C2orf49: variants seen among roughly 807,000 people sequenced by gnomAD.
The protein encoded by C2orf49 is tRNA-splicing ligase complex subunit ASW.
A neutral mutation model predicts 20.6 loss-of-function variants in C2orf49; 11 were observed. The ratio of observed to expected loss-of-function variants is 0.53; its 90% CI spans 0.34 to 0.88. The LOEUF is 0.88. Among genes scored for constraint, C2orf49 ranks in the 40% least tolerant of loss-of-function variants. C2orf49 has a pLI of 0.02. For missense variants in C2orf49, 289 were observed against 274.2 expected (o/e 1.05, Z -0.38); for synonymous variants, 134 against 108.5 (o/e 1.24, Z -1.46).
chr2:105,337,709 G>T (rs1558664901), intron 1 of C2orf49, 23 bp downstream of exon 1: 2 of 365,842 alleles, frequency 5.5e-6, no homozygotes, highest in East Asian at 8.3e-5. Context: ...GGATCGGAGG[G>T]TGGGCGGGTG....
rs553221493 is a variant in C2orf49 at position 105,345,329 on chromosome 2, C to T, written c.657C>T (p.Pro219=). Residue 219 remains proline, a synonymous_variant, in exon 4 of 4, where the codon CCC becomes CCT. Coordinates refer to ENST00000258457, the MANE Select transcript of C2orf49 (RefSeq NM_024093.3). ...EEAEAMNNLK[P]PQAKRKIQHV... ...ATGTCTTTCAGAATAACCTGAAGCCCCCACAAGCAAAAAGGAAGATACAAC... is the reference window on the plus strand; with the variant it reads ...ATGTCTTTCAGAATAACCTGAAGCCTCCACAAGCAAAAAGGAAGATACAAC... The T allele has an allele frequency of 1.2e-6, 2 of 1,611,842 alleles. No individual in the cohort carries two copies. The highest frequency in any genetic ancestry group is 2.2e-5 in the East Asian group (1 of 44,800).
chr2:105,342,945 G>A lies in C2orf49; in HGVS notation c.364G>A (p.Asp122Asn). 6.2e-7 allele frequency: 1 copy of A among 1,614,218 alleles called. No homozygotes were observed. Among genetic ancestry groups the A allele is most frequent in the Non-Finnish European group, 8.5e-7 (1 of 1,180,052 alleles). ...SIKVKKTENG[D>N]NDRLKPPPQA... The stretch of plus-strand genomic sequence containing the variant: ...AAAAGTGAAAAAGACAGAGAATGGA[G>A]ATAATGATCGACTGAAGCCTCCCCC... The change falls in exon 3 of 4, where the codon GAT (aspartate) becomes AAT (asparagine). Residue 122 changes from aspartate to asparagine, a missense_variant. Physicochemically the swap from Asp to Asn is conservative, Grantham distance 23 (BLOSUM62 1). Coordinates refer to ENST00000258457, the MANE Select transcript of C2orf49 (RefSeq NM_024093.3).
the C2orf49 span, among the ~76,000 whole-genome samples, chr2:105,362,482 A>G: frequency 6.6e-6 from 1 of 152,206 alleles, no homozygotes; most frequent in African/African-American, 2.4e-5. Flanking sequence ...TACACTGAAA[A>G]GCCACACAGG....
At chr2:105,349,558 A>G (rs1372163168), downstream of C2orf49, among the ~76,000 whole-genome samples, 1 of 152,262 alleles carries the variant, frequency 6.6e-6, no homozygotes, top group Non-Finnish European at 1.5e-5. Context: ...TGTGGAATAA[A>G]AAATAGAGAT....
chr2:105,363,007 C>A, the C2orf49 span: 1 of 398,246 alleles, frequency 2.5e-6, no homozygotes, highest in African/African-American at 2.0e-5. Context: ...GGCTCACAGA[C>A]TGCAGTTTTA....
At chr2:105,343,245 A>C (rs1234591916) in intron 3 of C2orf49, 22 bp downstream of exon 3, 1 of 1,543,104 alleles carries the variant, frequency 6.5e-7, no homozygotes, top group African/African-American at 1.4e-5. Context: ...GGTGGTTTCC[A>C]TGCTGGTAAG....
chr2:105,370,335 A>G, the C2orf49 span, among the ~76,000 whole-genome samples: 1 of 152,140 alleles, frequency 6.6e-6, no homozygotes, highest in East Asian at 1.9e-4. Flanking sequence ...TGATCGTACC[A>G]CTACTCTCCC....
chr2:105,363,135 A>G, the C2orf49 span: 10 of 674,080 alleles, frequency 1.5e-5, no homozygotes, highest in Non-Finnish European at 5.1e-6. Context: ...CACCAAGGAG[A>G]GGAAAGCAGA....
At chr2:105,355,771 TG>T in the C2orf49 span, among the ~76,000 whole-genome samples, 275 of 16,356 alleles carry the variant, frequency 0.017, 4 homozygotes, top group East Asian at 7.4e-3. Context: ...GAAAAAATTT[TG>T]TGTGTGTGTG....
the C2orf49 span, among the ~76,000 whole-genome samples, chr2:105,382,282 C>A: frequency 6.6e-6 from 1 of 152,216 alleles, no homozygotes; most frequent in Admixed American, 6.5e-5. Flanking sequence ...GACTGAAGGT[C>A]ACTTGATTGA....
At chr2:105,383,395 T>A in the C2orf49 span, among the ~76,000 whole-genome samples, 47 of 152,238 alleles carry the variant, frequency 3.1e-4, no homozygotes, top group African/African-American at 1.1e-3. Flanking sequence ...CAATAATCTT[T>A]ACCCTTTGAG....
the C2orf49 span, among the ~76,000 whole-genome samples, chr2:105,368,589 T>C: frequency 6.6e-6 from 1 of 152,228 alleles, no homozygotes; most frequent in East Asian, 1.9e-4. Flanking sequence ...TTGATACATT[T>C]CTACCATTTC....
At chr2:105,384,708 A>G in the C2orf49 span, among the ~76,000 whole-genome samples, 1 of 152,210 alleles carries the variant, frequency 6.6e-6, no homozygotes, top group Non-Finnish European at 1.5e-5. Context: ...GGGTTTCGCC[A>G]TGTTGGCCAG....
chr2:105,365,536 A>C, the C2orf49 span, among the ~76,000 whole-genome samples: 1 of 152,182 alleles, frequency 6.6e-6, no homozygotes, highest in African/African-American at 2.4e-5. Context: ...AACAAACCAA[A>C]ATAAAAATAA....
At chr2:105,342,705 A>G (rs1046051634) in intron 2 of C2orf49, 143 bp from the exon 3 acceptor site, 12 of 739,206 alleles carry the variant, frequency 1.6e-5, no homozygotes, top group Non-Finnish European at 8.4e-6. Flanking sequence ...TTTAGAATGA[A>G]CATAGAAAAT....
the C2orf49 span, among the ~76,000 whole-genome samples, chr2:105,370,795 C>T: frequency 6.6e-6 from 1 of 152,138 alleles, no homozygotes; most frequent in East Asian, 1.9e-4. Flanking sequence ...GCCTTTGGTG[C>T]CCAGTCCGTT....
At chr2:105,385,506 T>A in the C2orf49 span, among the ~76,000 whole-genome samples, 2 of 152,250 alleles carry the variant, frequency 1.3e-5, no homozygotes, top group Non-Finnish European at 2.9e-5. Context: ...TGCCATGAAC[T>A]GACTTGGTGC....
chr2:105,341,511 C>G (rs1679669245), intron 2 of C2orf49, among the ~76,000 whole-genome samples: 2 of 152,196 alleles, frequency 1.3e-5, no homozygotes, highest in South Asian at 4.1e-4. Flanking sequence ...TAGCCCTGTG[C>G]TTCTCAAACT....
the C2orf49 span, among the ~76,000 whole-genome samples, chr2:105,355,770 TTG>T: frequency 0.067 from 9,544 of 142,960 alleles, 352 homozygotes; most frequent in Middle Eastern, 0.14. Flanking sequence ...AGAAAAAATT[TTG>T]TGTGTGTGTG....
Sources: allele counts gnomAD v4.1 joint callset (sites outside exome capture counted in the v4.1 genomes callset), GRCh38; gene constraint gnomAD v4.1.1; transcripts MANE v1.5; gene names NCBI Gene and HGNC (gene_info 2026-07-23, HGNC 2026-07-21).